RFX8: variants seen among roughly 807,000 people sequenced by gnomAD.
RFX8 encodes the protein DNA-binding protein RFX8.
A neutral mutation model predicts 54.6 loss-of-function variants in RFX8; 46 were observed. The ratio of observed to expected loss-of-function variants is 0.84; its 90% CI spans 0.67 to 1.08. RFX8 has a LOEUF of 1.08. RFX8 is among the 50% of genes least tolerant of loss of function. The pLI is 0.00. For synonymous variants in RFX8, 192 were observed against 209.5 expected (o/e 0.92, Z 0.72); for missense variants, 536 against 562.3 (o/e 0.95, Z 0.47).
intron 2 of RFX8, among the ~76,000 whole-genome samples, chr2:101,459,680 C>T (rs953859187): frequency 1.3e-5 from 2 of 152,138 alleles, no homozygotes; most frequent in African/African-American, 2.4e-5. Flanking sequence ...AGTCAGGCTA[C>T]GTGGGGGTCA....
chr2:101,466,198 A>G (rs1238461169), intron 2 of RFX8, among the ~76,000 whole-genome samples: 1 of 152,060 alleles, frequency 6.6e-6, no homozygotes, highest in Non-Finnish European at 1.5e-5. Context: ...ACTCCTGGAC[A>G]TACAGATGCA....
At chr2:101,444,161 C>A (rs965036370) in intron 2 of RFX8, among the ~76,000 whole-genome samples, 1 of 152,156 alleles carries the variant, frequency 6.6e-6, no homozygotes, top group Non-Finnish European at 1.5e-5. Flanking sequence ...CATAAGGAGA[C>A]CCAGGCCCAG....
intron 1 of RFX8, among the ~76,000 whole-genome samples, chr2:101,470,709 CTTTTTTTTTTTTTTT>C (rs537834632): frequency 1.2e-4 from 13 of 105,538 alleles, no homozygotes; most frequent in African/African-American, 2.0e-4. Context: ...TCTGAGTACT[CTTTTTTTTTTTTTTT>C]TTTTTTTTTT....
chr2:101,464,928 T>C (rs1336991837), intron 2 of RFX8, among the ~76,000 whole-genome samples: 2 of 152,144 alleles, frequency 1.3e-5, no homozygotes, highest in Non-Finnish European at 2.9e-5. Context: ...CACTTCCCTC[T>C]GATAAGGGTG....
At chr2:101,474,313 G>C in intron 1 of RFX8, 1 of 467,712 alleles carries the variant, frequency 2.1e-6, no homozygotes, top group Non-Finnish European at 3.7e-6. Context: ...GGCAGGCAGC[G>C]AGCGGCGGCC....
At chr2:101,469,502 A>G (rs1434491661) in intron 1 of RFX8, among the ~76,000 whole-genome samples, 2 of 152,014 alleles carry the variant, frequency 1.3e-5, no homozygotes, top group Non-Finnish European at 2.9e-5. Flanking sequence ...AAAACTCACT[A>G]TTGGAAGTTA....
At chr2:101,421,891 C>A (rs1257549721) in intron 3 of RFX8, 114 bp from the exon 4 acceptor site, 1 of 749,548 alleles carries the variant, frequency 1.3e-6, no homozygotes, top group Non-Finnish European at 2.2e-6. Context: ...TCTCAAATGA[C>A]AATAGCTGCG....
intron 2 of RFX8, among the ~76,000 whole-genome samples, chr2:101,448,995 AT>A (rs1309851015): frequency 6.6e-6 from 1 of 152,176 alleles, no homozygotes; most frequent in Non-Finnish European, 1.5e-5. Flanking sequence ...GGATGGTCCC[AT>A]GGGGCAGGTG....
intron 2 of RFX8, among the ~76,000 whole-genome samples, chr2:101,458,121 G>A (rs1689083048): frequency 6.6e-6 from 1 of 152,056 alleles, no homozygotes; most frequent in African/African-American, 2.4e-5. Context: ...CATGAGATGG[G>A]TCTCCTGAAT....
chr2:101,469,079 A>ATATATATAT (rs1558896740), intron 1 of RFX8, among the ~76,000 whole-genome samples: 3 of 11,088 alleles, frequency 2.7e-4, no homozygotes, highest in African/African-American at 6.5e-4. Flanking sequence ...TATATATATA[A>ATATATATAT]GTGTATATAT....
At chr2:101,417,770 T>A (rs1573384446) in intron 5 of RFX8, 86 bp from the exon 6 acceptor site, 2 of 1,167,704 alleles carry the variant, frequency 1.7e-6, no homozygotes, top group East Asian at 5.4e-5. Flanking sequence ...ACAGGGCGGG[T>A]CTCAAGAAGT....
Position 101,406,114 on chromosome 2 carries a change from G to A in RFX8, c.814-57C>T, listed in dbSNP as rs1431045325. 13 of 1,019,988 alleles carry A rather than the reference G, an allele frequency of 1.3e-5. 1 individual carries two copies. In the Admixed American group the frequency reaches 3.1e-4, roughly 24 times the overall value. The allele number at this position is 1,019,988 out of a possible 1,614,324, so 63.2% of individuals were successfully genotyped here. The stretch of plus-strand genomic sequence containing the variant: ...GTTTGTAATAAAATCAAGAAGCATA[G>A]TATGTTTTCAAATGCACACATTTGT... On this transcript the variant is annotated intron_variant, in intron 9 of 11. Coordinates refer to ENST00000428343, the MANE Select transcript of RFX8 (RefSeq NM_001145664.2).
chr2:101,415,002 G>T, intron 6 of RFX8, 90 bp from the exon 7 acceptor site: 1 of 1,016,274 alleles, frequency 9.8e-7, no homozygotes, highest in Non-Finnish European at 1.5e-6. Flanking sequence ...TTTGGGGTAG[G>T]AAGGCACAGC....
chr2:101,469,076 ATAAG>A (rs1216891609), intron 1 of RFX8, among the ~76,000 whole-genome samples: 172 of 8,620 alleles, frequency 0.02, 9 homozygotes, highest in African/African-American at 0.065. Context: ...GTATATATAT[ATAAG>A]TGTATATATA....
At chr2:101,426,242 G>A (rs1308180710) in intron 2 of RFX8, among the ~76,000 whole-genome samples, 1 of 151,998 alleles carries the variant, frequency 6.6e-6, no homozygotes, top group Non-Finnish European at 1.5e-5. Context: ...GCTCATGCTT[G>A]TAATCCCAGA....
intron 2 of RFX8, among the ~76,000 whole-genome samples, chr2:101,431,954 G>A (rs1558864253): frequency 3.9e-5 from 6 of 152,294 alleles, no homozygotes; most frequent in Middle Eastern, 3.4e-3. Flanking sequence ...CACTGGGAGA[G>A]CTATGTTACC....
chr2:101,444,599 T>C (rs1185261968), intron 2 of RFX8, among the ~76,000 whole-genome samples: 1 of 152,130 alleles, frequency 6.6e-6, no homozygotes, highest in African/African-American at 2.4e-5. Context: ...ATTATAAAAA[T>C]GCTCCAACAA....
intron 2 of RFX8, chr2:101,450,583 T>C: frequency 7.2e-7 from 1 of 1,386,204 alleles, no homozygotes; most frequent in Non-Finnish European, 9.9e-7. Context: ...GCCAAAATGA[T>C]AGCTACTAAC....
chr2:101,444,283 G>A (rs1214327061), intron 2 of RFX8, among the ~76,000 whole-genome samples: 1 of 152,234 alleles, frequency 6.6e-6, no homozygotes, highest in Non-Finnish European at 1.5e-5. Flanking sequence ...CCAGAAGAAT[G>A]AAGCAGACAA....
Sources: allele counts gnomAD v4.1 joint callset (sites outside exome capture counted in the v4.1 genomes callset), GRCh38; gene constraint gnomAD v4.1.1; transcripts MANE v1.5; gene names NCBI Gene and HGNC (gene_info 2026-07-23, HGNC 2026-07-21).